The following NCOA2 variants were observed in gnomAD, a reference collection of about 807,000 sequenced individuals.
NCOA2 encodes the protein nuclear receptor coactivator 2, also known as class E basic helix-loop-helix protein 75.
NCOA2 carries 21 observed loss-of-function variants against 145.1 expected under a neutral mutation model. The ratio of observed to expected loss-of-function variants is 0.14; its 90% CI spans 0.10 to 0.21. The LOEUF (loss-of-function observed/expected upper bound fraction) is 0.21, where lower values mean the gene tolerates loss of function less well. Ranked by LOEUF, NCOA2 falls within the 10% of genes least tolerant of loss-of-function variation. NCOA2 has a pLI of 1.00. For synonymous variants in NCOA2, 619 were observed against 637.5 expected (o/e 0.97, Z 0.44); for missense variants, 1,472 against 1,837.6 (o/e 0.80, Z 3.64).
intron 1 of NCOA2, among the ~76,000 whole-genome samples, chr8:70,298,584 G>T (rs76831527): frequency 6.6e-6 from 1 of 152,126 alleles, no homozygotes; most frequent in Non-Finnish European, 1.5e-5. Flanking sequence ...ACTTAAGCCC[G>T]TTATAATTCT....
intron 3 of NCOA2, 32 bp from the exon 4 acceptor site, chr8:70,214,107 T>A: frequency 2.5e-6 from 4 of 1,568,784 alleles, no homozygotes; most frequent in Non-Finnish European, 3.4e-6. Flanking sequence ...TTATGATGTA[T>A]TTGAAAAAGA....
chr8:70,393,264 A>C (rs1813360774), intron 1 of NCOA2, among the ~76,000 whole-genome samples: 1 of 152,238 alleles, frequency 6.6e-6, no homozygotes, highest in African/African-American at 2.4e-5. Flanking sequence ...ATGAGGGCAG[A>C]AGAGCTTTGG....
intron 2 of NCOA2, among the ~76,000 whole-genome samples, chr8:70,278,974 C>CA (rs533687539): frequency 0.085 from 10,862 of 127,408 alleles, 486 homozygotes; most frequent in East Asian, 0.18. Flanking sequence ...CTCCCCCAAC[C>CA]AAAAAAAAAA....
At chr8:70,404,159 A>G (rs1186851239), upstream of NCOA2, among the ~76,000 whole-genome samples, 1 of 152,188 alleles carries the variant, frequency 6.6e-6, no homozygotes, top group Non-Finnish European at 1.5e-5. Context: ...GAAGAAGAGT[A>G]AGGGGACAGG....
chr8:70,189,839 T>G (rs1452863312), intron 4 of NCOA2, among the ~76,000 whole-genome samples: 1 of 152,210 alleles, frequency 6.6e-6, no homozygotes, highest in Non-Finnish European at 1.5e-5. Flanking sequence ...AATTTGTGAA[T>G]TCATAAGTAT....
intron 4 of NCOA2, among the ~76,000 whole-genome samples, chr8:70,177,940 T>C (rs1815051019): frequency 6.6e-6 from 1 of 152,180 alleles, no homozygotes; most frequent in African/African-American, 2.4e-5. Context: ...GCAAAATAAA[T>C]ACAAAATAAT....
chr8:70,428,767 G>A, the NCOA2 span, among the ~76,000 whole-genome samples: 139 of 152,142 alleles, frequency 9.1e-4, no homozygotes, highest in South Asian at 1.7e-3. Context: ...TGTGCCCAAA[G>A]CAAGGCAGCA....
the NCOA2 span, among the ~76,000 whole-genome samples, chr8:70,441,090 A>C: frequency 7.0e-6 from 1 of 142,630 alleles, no homozygotes; most frequent in Non-Finnish European, 1.5e-5. Context: ...AGAGAGAGGA[A>C]AGAAAAGAAA....
chr8:70,145,208 A>AGCTTGGCACGATC (rs1563518796), intron 12 of NCOA2, among the ~76,000 whole-genome samples: 2 of 152,216 alleles, frequency 1.3e-5, no homozygotes, highest in Non-Finnish European at 2.9e-5. Flanking sequence ...CCCAAGCTAG[A>AGCTTGGCACGATC]GTGCAATGGC....
Position 70,354,112 on chromosome 8 carries a change from GT to G in NCOA2, c.-77+49587del, listed in dbSNP as rs536859722. On this transcript the variant is annotated intron_variant, in intron 1 of 22. Coordinates refer to ENST00000452400, the MANE Select transcript of NCOA2 (RefSeq NM_006540.4). ...CAAGGGTATGACCAAGAAGGTTTCA[GT>G]TGTAATTCCAAACCCATTACAGAGC... Among the ~76,000 whole-genome samples, 358 of 152,234 alleles carry G rather than the reference GT, an allele frequency of 2.4e-3. 1 individual carries two copies. Among genetic ancestry groups the G allele is most frequent in the African/African-American group, 8.2e-3 (340 of 41,550 alleles).
At chr8:70,368,259 T>G (rs1304482285) in intron 1 of NCOA2, among the ~76,000 whole-genome samples, 1 of 152,226 alleles carries the variant, frequency 6.6e-6, no homozygotes, top group African/African-American at 2.4e-5. Context: ...TCACAAGTGC[T>G]GGCTAGAGAC....
intron 7 of NCOA2, 100 bp downstream of exon 7, chr8:70,166,466 C>G: frequency 3.0e-6 from 4 of 1,324,222 alleles, no homozygotes; most frequent in Non-Finnish European, 4.3e-6. Flanking sequence ...AAGATACTGC[C>G]TCCTCACTTT....
intron 22 of NCOA2, among the ~76,000 whole-genome samples, chr8:70,119,967 A>G (rs961781824): frequency 1.3e-5 from 2 of 151,764 alleles, no homozygotes; most frequent in Non-Finnish European, 2.9e-5. Flanking sequence ...CCTCCAAAGT[A>G]TAAGTGATTC....
At chr8:70,297,936 A>AT (rs1226346063) in intron 1 of NCOA2, among the ~76,000 whole-genome samples, 4 of 152,302 alleles carry the variant, frequency 2.6e-5, no homozygotes, top group African/African-American at 9.6e-5. Flanking sequence ...GCTTTTGTAT[A>AT]TTTTATGGAC....
Position 70,299,293 on chromosome 8 carries a change from A to G in NCOA2, c.-76-2493T>C, listed in dbSNP as rs188884433. Among the ~76,000 whole-genome samples the G allele has an allele frequency of 2.4e-3, 369 of 152,340 alleles. 1 individual carries two copies. Among genetic ancestry groups the G allele is most frequent in the African/African-American group, 8.3e-3 (346 of 41,578 alleles). ...CTCTATAATAAAGAAGCATCTCGTTACTGCTCTGTCCCGAGAGTTTTCACA... is the reference window on the plus strand; with the variant it reads ...CTCTATAATAAAGAAGCATCTCGTTGCTGCTCTGTCCCGAGAGTTTTCACA... On this transcript the variant is annotated intron_variant, in intron 1 of 22. Transcript: ENST00000452400.
At chr8:70,160,134 C>G (rs1250547677) in intron 9 of NCOA2, among the ~76,000 whole-genome samples, 1 of 152,114 alleles carries the variant, frequency 6.6e-6, no homozygotes. Flanking sequence ...CTAGAAATTA[C>G]GTACTGTTCA....
chr8:70,166,753 T>C lies in NCOA2; in HGVS notation c.543A>G (p.Val181=). The C allele has an allele frequency of 1.2e-5, 19 of 1,613,258 alleles. No individual in the cohort carries two copies. Among genetic ancestry groups the C allele is most frequent in the Non-Finnish European group, 1.6e-5 (19 of 1,179,362 alleles). Residue 181 remains valine (V), a splice_region_variant and synonymous_variant, in exon 7 of 23, where the codon GTA becomes GTG. Coordinates refer to ENST00000452400, the MANE Select transcript of NCOA2 (RefSeq NM_006540.4). ...GTTCGCCAGACCAAGATCCCCCATT[T>C]ACTGAGCAAGGCAAAAGTAATCCAG... ...FVKNLLPKSI[V]NGGSWSGEPP...
intron 1 of NCOA2, among the ~76,000 whole-genome samples, chr8:70,347,607 C>T (rs1321528645): frequency 6.6e-6 from 1 of 152,042 alleles, no homozygotes; most frequent in Admixed American, 6.6e-5. Context: ...AATCAATGAG[C>T]CATGATTGCA....
chr8:70,167,804 T>C (rs1186340725), intron 6 of NCOA2, among the ~76,000 whole-genome samples: 1 of 152,128 alleles, frequency 6.6e-6, no homozygotes, highest in Non-Finnish European at 1.5e-5. Flanking sequence ...GAGATAACAA[T>C]GAAAGAAATA....
Sources: allele counts gnomAD v4.1 joint callset (sites outside exome capture counted in the v4.1 genomes callset), GRCh38; gene constraint gnomAD v4.1.1; transcripts MANE v1.5; gene names NCBI Gene and HGNC (gene_info 2026-07-23, HGNC 2026-07-21).